Variants in BCORL1 observed in about 807,000 individuals in gnomAD.
BCORL1 encodes BCL-6 corepressor-like protein 1.
Under a neutral mutation model 87.6 loss-of-function variants are expected in BCORL1, and 7 were observed. That is an observed-to-expected ratio of 0.08 (90% confidence interval 0.05 to 0.15). The LOEUF is 0.15. BCORL1 is among the 10% of genes least tolerant of loss of function. BCORL1 has a pLI of 1.00. For missense variants in BCORL1, 1,215 were observed against 1,499.7 expected (o/e 0.81, Z 3.13); for synonymous variants, 591 against 634.4 (o/e 0.93, Z 1.03).
At chrX:129,999,449 C>T (rs1176281640) in intron 1 of BCORL1, among the ~76,000 whole-genome samples, 1 of 104,493 alleles carries the variant, frequency 9.6e-6, no homozygotes, top group Non-Finnish European at 2.0e-5. Context: ...GCAGGGACCA[C>T]AGGTTTGCAC....
intron 11 of BCORL1, among the ~76,000 whole-genome samples, chrX:130,045,735 A>G (rs1931703313): frequency 9.0e-6 from 1 of 110,995 alleles, no homozygotes; most frequent in Non-Finnish European, 1.9e-5. Context: ...CTCCTGCCTC[A>G]GCCTCCCGAG....
chrX:130,046,838 G>A (rs1234189585), intron 11 of BCORL1, among the ~76,000 whole-genome samples: 12 of 110,663 alleles, frequency 1.1e-4, no homozygotes, highest in Non-Finnish European at 1.5e-4. Context: ...GAGCCACCGC[G>A]CCCAGCCTCC....
chrX:130,054,231 C>CTG (rs1429717614), intron 13 of BCORL1, among the ~76,000 whole-genome samples: 1 of 112,330 alleles, frequency 8.9e-6, no homozygotes, highest in African/African-American at 3.2e-5. Context: ...CCAGTCCACC[C>CTG]TGAGCCCCCA....
At position 130,056,399 on chromosome X, in the gene BCORL1, T is replaced by TC. The variant is rs1218788560; in HGVS notation, c.*266dup. 10 of 285,054 alleles carry TC rather than the reference T, an allele frequency of 3.5e-5. No individual in the cohort carries two copies. The highest frequency in any genetic ancestry group is 6.0e-5 in the Non-Finnish European group (10 of 165,698). 23.5% of individuals were successfully genotyped at this position (285,054 alleles called of 1,213,427 possible). A position where few individuals can be genotyped will look rare whatever the true frequency, so the allele number is the denominator to read the frequency against. On this transcript the variant is annotated 3_prime_UTR_variant, in exon 14 of 14. Transcript: ENST00000540052. ...GAACTCCATGTCTGAGGACAAGAGGTCCCGGGGGTGGTGGGAGGTGGCGCC... is the reference window on the plus strand; with the variant it reads ...GAACTCCATGTCTGAGGACAAGAGGTCCCCGGGGGTGGTGGGAGGTGGCGCC...
At position 130,056,211 on chromosome X, in the gene BCORL1, G is replaced by T. The variant is rs1055919357; in HGVS notation, c.*75G>T. On this transcript the variant is annotated 3_prime_UTR_variant, in exon 14 of 14. Transcript: ENST00000540052. ...CCCACCTCCTTGTCTTTCCCCGACCGAGCACCAGACTGCAGAATGAGGCAA... is the reference window on the plus strand; with the variant it reads ...CCCACCTCCTTGTCTTTCCCCGACCTAGCACCAGACTGCAGAATGAGGCAA... 1 of 1,023,236 alleles carries T rather than the reference G, an allele frequency of 9.8e-7. No homozygotes were observed. 84.3% of individuals were successfully genotyped at this position (1,023,236 alleles called of 1,213,427 possible). A position where few individuals can be genotyped will look rare whatever the true frequency, so the allele number is the denominator to read the frequency against.
chrX:130,015,287 G>T lies in BCORL1; in HGVS notation c.2515G>T (p.Ala839Ser). 8.3e-7 allele frequency: 1 copy of T among 1,211,773 alleles called. No individual in the cohort carries two copies. The highest frequency in any genetic ancestry group is 1.1e-6 in the Non-Finnish European group (1 of 895,585). ...LPVGWSPYHQ[A>S]SLLSIGISSA... is the part of the protein sequence containing the mutation. Reference sequence around the variant, plus strand: ...TGTTGGCTGGTCCCCGTACCACCAGGCGTCTCTGCTTTCCATTGGCATTTC... The same window carrying T: ...TGTTGGCTGGTCCCCGTACCACCAGTCGTCTCTGCTTTCCATTGGCATTTC... Residue 839 changes from alanine to serine, a missense_variant, in exon 4 of 14, where the codon GCG becomes TCG. Ala to Ser is a moderately conservative substitution (Grantham distance 99, BLOSUM62 1). This residue lies in a region of BCORL1 where 861 missense variants were observed against 1,010.0 expected (regional missense o/e 0.85). Coordinates refer to ENST00000540052, the MANE Select transcript of BCORL1 (RefSeq NM_001379451.1).
intron 8 of BCORL1, among the ~76,000 whole-genome samples, chrX:130,030,131 C>T (rs1373370546): frequency 8.9e-6 from 1 of 112,184 alleles, no homozygotes; most frequent in Non-Finnish European, 1.9e-5. Context: ...CATGCCCTTT[C>T]TGTCTCACAA....
Position 129,983,700 on chromosome X carries a change from G to A in BCORL1, c.-45+938G>A, listed in dbSNP as rs562822308. Among the ~76,000 whole-genome samples the A allele has an allele frequency of 1.2e-4, 13 of 108,335 alleles. No individual in the cohort carries two copies. In the South Asian group the frequency reaches 5.4e-3, roughly 45 times the overall value. The allele number at this position is 108,335 out of a possible 115,157, so 94.1% of individuals were successfully genotyped here. A position where few individuals can be genotyped will look rare whatever the true frequency, so the allele number is the denominator to read the frequency against. ...CCTGGCTCCGCTGCCCTCGCTCTAG[G>A]GGCGGGGGCCGCCGGGCCGGGCGCG... On this transcript the variant is annotated intron_variant, in intron 1 of 13. Transcript: ENST00000540052.
In BCORL1 at chrX:130,000,322, G is replaced by A. The variant is rs755848504; in HGVS notation, c.-44-4866G>A. Among the ~76,000 whole-genome samples the A allele has an allele frequency of 6.2e-5, 7 of 112,386 alleles. No individual in the cohort carries two copies. The South Asian group carries it at 1.8e-3, about 29-fold the overall frequency. On this transcript the variant is annotated intron_variant, in intron 1 of 13. Transcript: ENST00000540052. ...CAAAGTTCTGGGATTACAGGTGTGA[G>A]CCACTGTGCCCAACCAGTGTTGTTG...
At chrX:129,991,602 A>C (rs2124337108) in intron 1 of BCORL1, among the ~76,000 whole-genome samples, 1 of 108,090 alleles carries the variant, frequency 9.3e-6, no homozygotes, top group East Asian at 2.9e-4. Flanking sequence ...TTAACTTCCC[A>C]AAGTGCTGGG....
chrX:130,036,444 A>G (rs955038662), intron 9 of BCORL1, among the ~76,000 whole-genome samples: 3 of 110,884 alleles, frequency 2.7e-5, no homozygotes, highest in African/African-American at 9.9e-5. Flanking sequence ...TATTTTTAGT[A>G]GAGAGGGGGT....
chrX:130,000,522 C>T (rs1033315543), intron 1 of BCORL1, among the ~76,000 whole-genome samples: 7 of 112,216 alleles, frequency 6.2e-5, no homozygotes, highest in African/African-American at 1.6e-4. Context: ...TCATGACTCT[C>T]GTACAGATAC....
At chrX:130,035,896 G>A (rs370242726) in intron 9 of BCORL1, among the ~76,000 whole-genome samples, 32 of 112,247 alleles carry the variant, frequency 2.9e-4, no homozygotes, top group East Asian at 2.8e-3. Flanking sequence ...GGGAAGCCTC[G>A]GGCTTTCTCC....
rs1162602510 is a variant in BCORL1 at position 130,039,177 on chromosome X, A to G, written c.4735A>G (p.Ile1579Val). The G allele has an allele frequency of 8.3e-7, 1 of 1,209,364 alleles. No individual in the cohort carries two copies. The highest frequency in any genetic ancestry group is 1.8e-5 in the African/African-American group (1 of 57,052). Reference protein sequence around the residue: ...DAVVNDNLETIWLLLSYGADP... With the variant: ...DAVVNDNLETVWLLLSYGADP... ...GGTGGTCAATGACAACCTGGAGACC[A>G]TCTGGCTCCTGCTGTCCTATGGGGC... Residue 1579 changes from isoleucine (I) to valine (V), a missense_variant, in exon 11 of 14, where the codon ATC becomes GTC. Ile to Val is a conservative substitution (Grantham distance 29). Around this residue, in one of 5 missense-constraint regions of BCORL1, gnomAD observed 55 missense variants for 115.1 expected, o/e 0.48. Transcript: ENST00000540052.
Position 130,005,225 on chromosome X carries a change from G to A in BCORL1, c.-7G>A. Reference sequence around the variant, plus strand: ...CAGCAGGTCCTATCTGGTGGTGAGTGGCTGTCATGATCTCTACAGCACCGC... The same window carrying A: ...CAGCAGGTCCTATCTGGTGGTGAGTAGCTGTCATGATCTCTACAGCACCGC... On this transcript the variant is annotated 5_prime_UTR_variant, in exon 2 of 14. Coordinates refer to ENST00000540052, the MANE Select transcript of BCORL1 (RefSeq NM_001379451.1). The A allele has an allele frequency of 3.3e-6, 4 of 1,203,011 alleles. No homozygotes were observed. Among genetic ancestry groups the A allele is most frequent in the Middle Eastern group, 2.3e-4 (1 of 4,325 alleles).
At chrX:130,032,902 C>T (rs1930704768) in intron 8 of BCORL1, among the ~76,000 whole-genome samples, 1 of 108,624 alleles carries the variant, frequency 9.2e-6, no homozygotes, top group Admixed American at 9.9e-5. Context: ...GCTGGGATTA[C>T]AGGTACCTGG....
intron 5 of BCORL1, among the ~76,000 whole-genome samples, chrX:130,021,878 C>T (rs1929853469): frequency 9.0e-6 from 1 of 111,603 alleles, no homozygotes; most frequent in African/African-American, 3.3e-5. Context: ...GCCTCAACCT[C>T]CTGAGCTCAA....
intron 8 of BCORL1, among the ~76,000 whole-genome samples, chrX:130,030,802 T>C (rs1930547914): frequency 8.9e-6 from 1 of 111,786 alleles, no homozygotes; most frequent in South Asian, 3.7e-4. Context: ...TGTCTGGCTA[T>C]TCTGCCTGGC....
intron 1 of BCORL1, among the ~76,000 whole-genome samples, chrX:130,004,240 G>GTTTTTT (rs1569361713): frequency 7.1e-5 from 7 of 98,508 alleles, no homozygotes; most frequent in African/African-American, 2.5e-4. Context: ...AGAAATGTGT[G>GTTTTTT]GTTTTTTTTT....
Sources: allele counts gnomAD v4.1 joint callset (sites outside exome capture counted in the v4.1 genomes callset), GRCh38; gene constraint gnomAD v4.1.1; regional missense constraint gnomAD v4.1.1; transcripts MANE v1.5; gene names NCBI Gene and HGNC (gene_info 2026-07-23, HGNC 2026-07-21).